Variants in TNFSF18 observed in about 807,000 individuals in gnomAD.
The protein encoded by TNFSF18 is tumor necrosis factor ligand superfamily member 18.
In TNFSF18, 6 loss-of-function variants were observed where a neutral mutation model predicts 9.6. The observed-to-expected ratio is 0.63, with a 90% CI of 0.34 to 1.24. TNFSF18 has a LOEUF of 1.24. Among genes scored for constraint, TNFSF18 ranks in the 50% most tolerant of loss-of-function variants. The pLI, the probability that TNFSF18 is intolerant of heterozygous loss-of-function variation, is 0.03. For synonymous variants in TNFSF18, 68 were observed against 71.7 expected (o/e 0.95, Z 0.26); for missense variants, 210 against 201.0 (o/e 1.04, Z -0.27).
chr1:173,049,090 G>A (rs1328897281), intron 1 of TNFSF18, among the ~76,000 whole-genome samples: 1 of 152,162 alleles, frequency 6.6e-6, no homozygotes, highest in Non-Finnish European at 1.5e-5. Context: ...ACTGGATCTA[G>A]GAGAGAGAAA....
intron 1 of TNFSF18, among the ~76,000 whole-genome samples, chr1:173,048,318 C>T (rs916257608): frequency 3.3e-5 from 5 of 152,148 alleles, no homozygotes; most frequent in East Asian, 3.8e-4. Flanking sequence ...GCTTTTGTAA[C>T]CTCTTCTTGA....
intron 1 of TNFSF18, among the ~76,000 whole-genome samples, chr1:173,050,169 G>GT (rs1665147459): frequency 1.3e-5 from 2 of 152,064 alleles, no homozygotes; most frequent in South Asian, 4.2e-4. Context: ...CCTACCACCA[G>GT]TTTTTTTAGA....
chr1:173,042,790 A>G (rs1474825970), intron 2 of TNFSF18, among the ~76,000 whole-genome samples: 3 of 152,120 alleles, frequency 2.0e-5, no homozygotes, highest in Non-Finnish European at 4.4e-5. Context: ...TTGTCCCATA[A>G]TTAAAAAGAA....
rs1477242218 is a variant in TNFSF18 at position 173,040,114 on chromosome 1, T to C, written c.*1253A>G. On this transcript the variant is annotated 3_prime_UTR_variant, in exon 3 of 3. Transcript: ENST00000404377. Reference sequence around the variant, plus strand: ...AAAAATTTTGAATTAGTGCTATTTATTATTTTAGAAGTTAGCACATTTGAC... The same window carrying C: ...AAAAATTTTGAATTAGTGCTATTTACTATTTTAGAAGTTAGCACATTTGAC... The C allele has an allele frequency of 6.6e-6, 1 of 152,090 alleles. No individual in the cohort carries two copies. Among genetic ancestry groups the C allele is most frequent in the Non-Finnish European group, 1.5e-5 (1 of 68,026 alleles). The allele number at this position is 152,090 out of a possible 1,614,324, so 9.4% of individuals were successfully genotyped here.
chr1:173,043,111 C>T (rs1262552004), intron 2 of TNFSF18, among the ~76,000 whole-genome samples: 1 of 152,110 alleles, frequency 6.6e-6, no homozygotes, highest in Non-Finnish European at 1.5e-5. Flanking sequence ...TTTACCACAT[C>T]AAGGCATAAT....
Position 173,041,322 on chromosome 1 carries a change from C to T in TNFSF18, c.*45G>A. ...CTTCTCCCTCCAATCCACCCACTGG[C>T]ACCTCTACATGTGCTGAAGGGAATG... On this transcript the variant is annotated 3_prime_UTR_variant, in exon 3 of 3. Transcript: ENST00000404377. The T allele has an allele frequency of 2.8e-6, 4 of 1,437,032 alleles. No individual in the cohort carries two copies. The highest frequency in any genetic ancestry group is 3.8e-6 in the Non-Finnish European group (4 of 1,058,256). The allele number at this position is 1,437,032 out of a possible 1,614,324, so 89.0% of individuals were successfully genotyped here.
rs1285163557 is a variant in TNFSF18 at position 173,039,715 on chromosome 1, T to C, written c.*1652A>G. The stretch of plus-strand genomic sequence containing the variant: ...CAAGAACACCAAGATTTTATAAGTA[T>C]ACATATATATACACACACACATATA... On this transcript the variant is annotated 3_prime_UTR_variant, in exon 3 of 3. Transcript: ENST00000404377. 1.3e-5 allele frequency among the ~76,000 whole-genome samples: 2 copies of C among 150,500 alleles called. No homozygotes were observed. Among genetic ancestry groups the C allele is most frequent in the African/African-American group, 4.9e-5 (2 of 40,512 alleles).
At chr1:173,044,954 G>T (rs1665055759) in intron 1 of TNFSF18, among the ~76,000 whole-genome samples, 2 of 152,248 alleles carry the variant, frequency 1.3e-5, no homozygotes, top group African/African-American at 4.8e-5. Context: ...AAGAAACAAA[G>T]ATGACTCCAG....
At position 173,041,567 on chromosome 1, in the gene TNFSF18, G is replaced by A. The variant is rs1341762291; in HGVS notation, c.334C>T (p.Pro112Ser). 6.8e-6 allele frequency: 11 copies of A among 1,613,388 alleles called. No homozygotes were observed. Among genetic ancestry groups the A allele is most frequent in the African/African-American group, 1.3e-5 (1 of 74,870 alleles). The change falls in exon 3 of 3, where the codon CCT (proline) becomes TCT (serine). Residue 112 changes from proline to serine, a missense_variant. Physicochemically the swap from Pro to Ser is moderately conservative, Grantham distance 74. Coordinates refer to ENST00000404377, the MANE Select transcript of TNFSF18 (RefSeq NM_005092.4). ...APNANYNDVA[P>S]FEVRLYKNKD... ...TTTTTATACAGCCGCACCTCAAAAG[G>A]AGCTACATCATTGTAGTTTGCATTG...
chr1:173,046,745 T>C (rs1665090058), intron 1 of TNFSF18, among the ~76,000 whole-genome samples: 1 of 152,162 alleles, frequency 6.6e-6, no homozygotes, highest in Non-Finnish European at 1.5e-5. Context: ...TTAGTACTTG[T>C]ATATAGTATA....
chr1:173,040,255 G>T lies in TNFSF18; in HGVS notation c.*1112C>A, dbSNP rs959592395. The T allele has an allele frequency of 4.0e-5, 6 of 151,734 alleles. 1 individual carries two copies. The highest frequency in any genetic ancestry group is 6.9e-3 in the Middle Eastern group (2 of 288). The allele number at this position is 151,734 out of a possible 1,614,324, so 9.4% of individuals were successfully genotyped here. ...AAAAAAAGTGTGCTGGTAAAGGAAAGATCTGTTGTAGCTTCACTCTGCTCA... is the reference window on the plus strand; with the variant it reads ...AAAAAAAGTGTGCTGGTAAAGGAAATATCTGTTGTAGCTTCACTCTGCTCA... On this transcript the variant is annotated 3_prime_UTR_variant, in exon 3 of 3. Coordinates refer to ENST00000404377, the MANE Select transcript of TNFSF18 (RefSeq NM_005092.4).
At chr1:173,049,629 A>G (rs1413232881) in intron 1 of TNFSF18, among the ~76,000 whole-genome samples, 2 of 152,060 alleles carry the variant, frequency 1.3e-5, no homozygotes, top group Non-Finnish European at 2.9e-5. Context: ...ATCTTTTCTC[A>G]ATTACTTTTA....
intron 1 of TNFSF18, among the ~76,000 whole-genome samples, chr1:173,044,193 CA>C (rs1192109210): frequency 3.3e-5 from 5 of 151,574 alleles, no homozygotes; most frequent in Admixed American, 3.3e-4. Context: ...GTCTTTTAGA[CA>C]AAGGTCAAGA....
rs763362684 is a variant in TNFSF18, at chr1:173,041,363, GTCTC to G, written c.534_*3del. 11 of 1,593,920 alleles carry G rather than the reference GTCTC, an allele frequency of 6.9e-6. 1 individual carries two copies. The South Asian group carries it at 1.3e-4, about 18-fold the overall frequency. On this transcript the variant is annotated stop_lost and 3_prime_UTR_variant, in exon 3 of 3. Coordinates refer to ENST00000404377, the MANE Select transcript of TNFSF18 (RefSeq NM_005092.4). ...GAAGGGAATGAGGAGATCAAATCAA[GTCTC>G]TAGGAGATGAATTGGGGATTTGCTA... is the stretch of plus-strand genomic sequence containing the variant.
rs533848731 is a variant in TNFSF18 at position 173,039,680 on chromosome 1, C to T, written c.*1687G>A. 2.8e-3 allele frequency among the ~76,000 whole-genome samples: 423 copies of T among 151,902 alleles called. 4 individuals carry two copies. Among genetic ancestry groups the T allele is most frequent in the Middle Eastern group, 0.017 (5 of 294 alleles). ...ACTCCAGCACACATTGCTTATAACACAACAAAGATCAAGAACACCAAGATT... is the reference window on the plus strand; with the variant it reads ...ACTCCAGCACACATTGCTTATAACATAACAAAGATCAAGAACACCAAGATT... On this transcript the variant is annotated 3_prime_UTR_variant, in exon 3 of 3. Transcript: ENST00000404377.
intron 1 of TNFSF18, among the ~76,000 whole-genome samples, chr1:173,045,927 G>T (rs888462186): frequency 5.9e-5 from 9 of 152,080 alleles, no homozygotes; most frequent in Non-Finnish European, 1.0e-4. Flanking sequence ...TCTTTCCTCC[G>T]TACTTCTATT....
At chr1:173,043,402 A>G (rs1665022878) in intron 2 of TNFSF18, among the ~76,000 whole-genome samples, 1 of 152,136 alleles carries the variant, frequency 6.6e-6, no homozygotes, top group African/African-American at 2.4e-5. Context: ...GTAACTGTAA[A>G]CTGGTGTGTT....
intron 1 of TNFSF18, among the ~76,000 whole-genome samples, chr1:173,050,062 T>A (rs1665144429): frequency 6.6e-6 from 1 of 152,180 alleles, no homozygotes; most frequent in Non-Finnish European, 1.5e-5. Context: ...TTCCCTGCTT[T>A]TGAGTGACTT....
chr1:173,049,107 T>A (rs375413560), intron 1 of TNFSF18, among the ~76,000 whole-genome samples: 1 of 152,186 alleles, frequency 6.6e-6, no homozygotes, highest in East Asian at 1.9e-4. Flanking sequence ...GAAACCAGAA[T>A]CAGAGCTCAA....
Sources: allele counts gnomAD v4.1 joint callset (sites outside exome capture counted in the v4.1 genomes callset), GRCh38; gene constraint gnomAD v4.1.1; transcripts MANE v1.5; gene names NCBI Gene and HGNC (gene_info 2026-07-23, HGNC 2026-07-21).